The following EPHA3 variants were observed in gnomAD, a reference collection of about 807,000 sequenced individuals.
EPHA3 encodes EPH receptor A3.
A neutral mutation model predicts 107.1 loss-of-function variants in EPHA3; 42 were observed. That is an observed-to-expected ratio of 0.39 (90% CI 0.31 to 0.51). The LOEUF (loss-of-function observed/expected upper bound fraction) is 0.51, where lower values mean the gene tolerates loss of function less well. Ranked by LOEUF, EPHA3 falls within the 20% of genes least tolerant of loss-of-function variation. EPHA3 has a pLI of 0.78. For missense variants in EPHA3, 1,183 were observed against 1,211.2 expected (o/e 0.98, Z 0.35); for synonymous variants, 461 against 424.8 (o/e 1.09, Z -1.05).
intron 3 of EPHA3, among the ~76,000 whole-genome samples, chr3:89,211,171 G>T (rs1319685875): frequency 1.3e-5 from 2 of 152,028 alleles, no homozygotes; most frequent in Admixed American, 6.6e-5. Flanking sequence ...CATCCGTTAG[G>T]CTTGAATGCA....
intron 1 of EPHA3, among the ~76,000 whole-genome samples, chr3:89,115,780 A>G (rs530791345): frequency 2.0e-3 from 305 of 152,266 alleles, no homozygotes; most frequent in Non-Finnish European, 2.1e-3. Context: ...GGATCATAAT[A>G]AAGCGGTAAC....
At chr3:89,252,932 C>T (rs1474929148) in intron 3 of EPHA3, among the ~76,000 whole-genome samples, 1 of 150,892 alleles carries the variant, frequency 6.6e-6, no homozygotes, top group African/African-American at 2.4e-5. Flanking sequence ...TTAGGCAAAA[C>T]ATTGTCTGAA....
intron 2 of EPHA3, among the ~76,000 whole-genome samples, chr3:89,142,355 C>A (rs1334987027): frequency 6.6e-6 from 1 of 151,250 alleles, no homozygotes; most frequent in Non-Finnish European, 1.5e-5. Flanking sequence ...ATTGTTTAAT[C>A]TGTTACTAGA....
At chr3:89,256,868 A>T (rs866359975) in intron 3 of EPHA3, among the ~76,000 whole-genome samples, 1 of 152,206 alleles carries the variant, frequency 6.6e-6, no homozygotes, top group Non-Finnish European at 1.5e-5. Flanking sequence ...ATCTGAATCT[A>T]TAGGAATCTT....
chr3:89,438,577 T>A (rs1335881738), intron 13 of EPHA3, among the ~76,000 whole-genome samples: 1 of 152,132 alleles, frequency 6.6e-6, no homozygotes, highest in Non-Finnish European at 1.5e-5. Flanking sequence ...AAAAAAACCA[T>A]GCTTATCAAA....
At chr3:89,418,944 A>G (rs925075902) in intron 10 of EPHA3, among the ~76,000 whole-genome samples, 1 of 151,394 alleles carries the variant, frequency 6.6e-6, no homozygotes, top group African/African-American at 2.4e-5. Context: ...CTTTTACATT[A>G]CATTATTTAT....
chr3:89,272,968 C>A (rs1395251128), intron 3 of EPHA3, among the ~76,000 whole-genome samples: 1 of 151,776 alleles, frequency 6.6e-6, no homozygotes, highest in Non-Finnish European at 1.5e-5. Flanking sequence ...TTATTTATTA[C>A]AAAATTATAA....
At chr3:89,366,764 A>G (rs936375711) in intron 5 of EPHA3, among the ~76,000 whole-genome samples, 1 of 150,698 alleles carries the variant, frequency 6.6e-6, no homozygotes, top group African/African-American at 2.4e-5. Flanking sequence ...CCTCTCACTT[A>G]GTCCTCCTCA....
chr3:89,410,475 C>A (rs60074956), intron 9 of EPHA3, among the ~76,000 whole-genome samples: 1,719 of 151,996 alleles, frequency 0.011, 34 homozygotes, highest in African/African-American at 0.039. Flanking sequence ...GAAATCTCCC[C>A]CACGTTAATT....
At chr3:89,439,746 C>A (rs1487642749) in intron 13 of EPHA3, among the ~76,000 whole-genome samples, 2 of 151,878 alleles carry the variant, frequency 1.3e-5, no homozygotes, top group Non-Finnish European at 2.9e-5. Context: ...CACACACACA[C>A]ACACACACAT....
intron 3 of EPHA3, among the ~76,000 whole-genome samples, chr3:89,246,326 A>C (rs1356936020): frequency 6.6e-6 from 1 of 152,238 alleles, no homozygotes; most frequent in Admixed American, 6.5e-5. Flanking sequence ...AAGAATAAAT[A>C]AACACTTAGA....
At chr3:89,340,838 C>T (rs190889380) in intron 3 of EPHA3, 78 bp from the exon 4 acceptor site, 20 of 1,329,310 alleles carry the variant, frequency 1.5e-5, no homozygotes, top group East Asian at 8.1e-5. Context: ...AATTCATATT[C>T]GAACTTACTT....
At chr3:89,297,351 C>T (rs1250357998) in intron 3 of EPHA3, among the ~76,000 whole-genome samples, 1 of 152,030 alleles carries the variant, frequency 6.6e-6, no homozygotes, top group Non-Finnish European at 1.5e-5. Context: ...CAGGCCATTG[C>T]AGGGTTATGA....
intron 3 of EPHA3, among the ~76,000 whole-genome samples, chr3:89,268,703 C>T (rs1465480805): frequency 2.0e-5 from 3 of 151,808 alleles, no homozygotes; most frequent in African/African-American, 7.3e-5. Flanking sequence ...AAAAAGAAAT[C>T]TTGTCTATAG....
intron 2 of EPHA3, among the ~76,000 whole-genome samples, chr3:89,129,834 T>G (rs1374449516): frequency 2.0e-5 from 3 of 152,042 alleles, no homozygotes; most frequent in African/African-American, 4.8e-5. Flanking sequence ...TGCTGAAACG[T>G]TTTTCATAAA....
At chr3:89,424,792 G>A (rs1709424679) in intron 11 of EPHA3, among the ~76,000 whole-genome samples, 2 of 151,488 alleles carry the variant, frequency 1.3e-5, no homozygotes, top group Non-Finnish European at 1.5e-5. Context: ...GCATGACTCA[G>A]CTCTAACTAG....
At position 89,449,252 on chromosome 3, in the gene EPHA3, T is replaced by C. The variant is rs749306993; in HGVS notation, c.2374T>C (p.Ser792Pro). 4 of 1,609,182 alleles carry C rather than the reference T, an allele frequency of 2.5e-6. No homozygotes were observed. The highest frequency in any genetic ancestry group is 2.7e-5 in the African/African-American group (2 of 74,836). ...RGGKIPIRWT[S>P]PEAIAYRKFT... The stretch of plus-strand genomic sequence containing the variant: ...AGGGAAGATCCCAATCAGGTGGACA[T>C]CACCAGAAGCTATAGCCTACCGCAA... The change falls in exon 14 of 17, where the codon TCA becomes CCA. Residue 792 changes from serine (S) to proline (P), a missense_variant. By Grantham distance (74) the Ser-to-Pro change is moderately conservative. Transcript: ENST00000336596.
chr3:89,473,156 G>C (rs1353797990), intron 16 of EPHA3, among the ~76,000 whole-genome samples: 2 of 136,284 alleles, frequency 1.5e-5, no homozygotes, highest in African/African-American at 2.5e-5. Flanking sequence ...TATCATGCTA[G>C]AAAATGAAGT....
intron 2 of EPHA3, among the ~76,000 whole-genome samples, chr3:89,138,988 T>C (rs1704371947): frequency 6.6e-6 from 1 of 151,722 alleles, no homozygotes; most frequent in Non-Finnish European, 1.5e-5. Context: ...CAAAAGAGTG[T>C]GTGTTGGGGG....
Sources: gnomAD v4.1 joint callset for allele counts (sites outside exome capture counted in the v4.1 genomes callset) on GRCh38, gnomAD v4.1.1 for gene constraint, MANE v1.5 for transcripts, NCBI Gene and HGNC (gene_info 2026-07-23, HGNC 2026-07-21) for gene names.